The following STK10 variants were observed in gnomAD, a reference collection of about 807,000 sequenced individuals.
STK10 encodes the protein serine/threonine-protein kinase 10.
In STK10, 78 loss-of-function variants were observed where a neutral mutation model predicts 113.8. That is an observed-to-expected ratio of 0.69 (90% CI 0.57 to 0.83). STK10 has a LOEUF of 0.83. Ranked by LOEUF, STK10 falls within the 40% of genes least tolerant of loss-of-function variation. The pLI is 0.00. For synonymous variants in STK10, 465 were observed against 494.7 expected, an observed-to-expected ratio of 0.94 and a Z score of 0.80; for missense variants, 1,109 against 1,280.1, an observed-to-expected ratio of 0.87 and a Z score of 2.04.
chr5:172,164,009 T>G (rs1414141276), intron 1 of STK10, among the ~76,000 whole-genome samples: 1 of 151,764 alleles, frequency 6.6e-6, no homozygotes, highest in Non-Finnish European at 1.5e-5. Context: ...GTCAGGAGTT[T>G]GAGACCAGCC....
intron 1 of STK10, among the ~76,000 whole-genome samples, chr5:172,182,177 C>A (rs1282624248): frequency 6.6e-6 from 1 of 151,556 alleles, no homozygotes; most frequent in Non-Finnish European, 1.5e-5. Flanking sequence ...GCGGTGCGCA[C>A]CTGTAATCCC....
chr5:172,171,863 C>T (rs1307844173), intron 1 of STK10, among the ~76,000 whole-genome samples: 1 of 152,084 alleles, frequency 6.6e-6, no homozygotes, highest in African/African-American at 2.4e-5. Context: ...AAACTGTATA[C>T]ACTGGTCATT....
At chr5:172,121,114 C>T (rs1330230219) in intron 3 of STK10, among the ~76,000 whole-genome samples, 2 of 151,124 alleles carry the variant, frequency 1.3e-5, no homozygotes, top group African/African-American at 2.4e-5. Context: ...CTGCAACCTC[C>T]ACCTCCTAGG....
chr5:172,172,187 T>C (rs999830834), intron 1 of STK10, among the ~76,000 whole-genome samples: 2 of 151,960 alleles, frequency 1.3e-5, no homozygotes, highest in African/African-American at 2.4e-5. Flanking sequence ...TAAAACTCCA[T>C]CTCAAAAAAA....
intron 2 of STK10, among the ~76,000 whole-genome samples, chr5:172,146,208 C>G (rs756075055): frequency 6.6e-6 from 1 of 152,226 alleles, no homozygotes; most frequent in Non-Finnish European, 1.5e-5. Flanking sequence ...GCCGGGCCCA[C>G]AGCCGGTGCT....
chr5:172,146,011 G>A (rs939145990), intron 2 of STK10, among the ~76,000 whole-genome samples: 4 of 152,172 alleles, frequency 2.6e-5, no homozygotes, highest in South Asian at 4.1e-4. Flanking sequence ...AAAACACTGC[G>A]CACACACACA....
At position 172,045,242 on chromosome 5, in the gene STK10, T is replaced by C. The variant is rs115531099; in HGVS notation, c.2767-220A>G. ...CGCCACTCAGAAGCTCCCTGTGGAC[T>C]GAAGGGTACAGTTGGGGGAAATGTC... On this transcript the variant is annotated intron_variant, in intron 18 of 18. Transcript: ENST00000176763. Among the ~76,000 whole-genome samples, 1,018 of 151,932 alleles carry C rather than the reference T, an allele frequency of 6.7e-3. 11 individuals carry two copies. The highest frequency in any genetic ancestry group is 0.024 in the African/African-American group (974 of 41,414).
chr5:172,088,572 T>C lies in STK10; in HGVS notation c.1685+1660A>G, dbSNP rs575314351. 3.3e-5 allele frequency among the ~76,000 whole-genome samples: 5 copies of C among 152,192 alleles called. No homozygotes were observed. In the East Asian group the frequency reaches 5.8e-4, roughly 18 times the overall value. ...TTAAAAAAATTTTAATTCACATGTATAAAAATATGTGATTAATGTTCTAGA... is the reference window on the plus strand; with the variant it reads ...TTAAAAAAATTTTAATTCACATGTACAAAAATATGTGATTAATGTTCTAGA... On this transcript the variant is annotated intron_variant, in intron 10 of 18. Transcript: ENST00000176763.
At chr5:172,171,047 T>C (rs1425061953) in intron 1 of STK10, among the ~76,000 whole-genome samples, 1 of 152,224 alleles carries the variant, frequency 6.6e-6, no homozygotes, top group East Asian at 1.9e-4. Context: ...GTCGTGTCCA[T>C]TCATGAACTC....
intron 2 of STK10, among the ~76,000 whole-genome samples, chr5:172,128,610 C>T (rs914206914): frequency 6.6e-6 from 1 of 152,212 alleles, no homozygotes; most frequent in Non-Finnish European, 1.5e-5. Flanking sequence ...GGATTACAGG[C>T]GTGAGCCACC....
chr5:172,107,115 CA>C (rs370399074), intron 5 of STK10: 130 of 251,222 alleles, frequency 5.2e-4, no homozygotes, highest in South Asian at 2.6e-3. Context: ...AGGTGCGGAG[CA>C]AAAAAAAAGG....
At chr5:172,064,545 G>C (rs73801816) in intron 13 of STK10, 175 bp downstream of exon 13, 6 of 643,936 alleles carry the variant, frequency 9.3e-6, no homozygotes, top group South Asian at 7.3e-5. Flanking sequence ...CAGGGCAATC[G>C]AGGAAGGCTG....
intron 17 of STK10, 120 bp downstream of exon 17, chr5:172,054,449 T>C (rs966013384): frequency 7.0e-7 from 1 of 1,425,322 alleles, no homozygotes; most frequent in Non-Finnish European, 9.5e-7. Flanking sequence ...AAACCATCCA[T>C]CCCGGGCGTG....
intron 4 of STK10, among the ~76,000 whole-genome samples, chr5:172,112,746 C>A (rs1028828896): frequency 4.0e-5 from 6 of 149,132 alleles, no homozygotes; most frequent in Non-Finnish European, 6.0e-5. Flanking sequence ...ACTTTACACA[C>A]TTTTATTCTT....
At chr5:172,123,141 G>T (rs1352569503) in intron 3 of STK10, among the ~76,000 whole-genome samples, 2 of 152,238 alleles carry the variant, frequency 1.3e-5, no homozygotes, top group Non-Finnish European at 2.9e-5. Context: ...GCTCAGGCCA[G>T]TAATGCTTCC....
At chr5:172,152,946 C>A (rs1266556491) in intron 2 of STK10, among the ~76,000 whole-genome samples, 1 of 152,144 alleles carries the variant, frequency 6.6e-6, no homozygotes. Flanking sequence ...AAACTAATTT[C>A]ATCTGTTTCT....
intron 14 of STK10, among the ~76,000 whole-genome samples, chr5:172,058,840 A>G (rs1276928216): frequency 6.6e-6 from 1 of 152,152 alleles, no homozygotes; most frequent in Non-Finnish European, 1.5e-5. Flanking sequence ...CAGTGAGCCA[A>G]TATCGTGCCA....
intron 1 of STK10, among the ~76,000 whole-genome samples, chr5:172,165,343 G>C (rs964481425): frequency 3.3e-5 from 5 of 152,214 alleles, no homozygotes; most frequent in African/African-American, 1.2e-4. Flanking sequence ...GCAGAGACCA[G>C]GGTCCCATCT....
chr5:172,083,847 C>A, intron 10 of STK10, among the ~76,000 whole-genome samples: 1 of 149,534 alleles, frequency 6.7e-6, no homozygotes, highest in East Asian at 2.0e-4. Context: ...GGTGGAGGTT[C>A]CAGTGGGCCG....
Sources: allele counts gnomAD v4.1 joint callset (sites outside exome capture counted in the v4.1 genomes callset), GRCh38; gene constraint gnomAD v4.1.1; transcripts MANE v1.5; gene names NCBI Gene and HGNC (gene_info 2026-07-23, HGNC 2026-07-21).